The following EPHA3 variants were observed in gnomAD, a reference collection of about 807,000 sequenced individuals.
EPHA3 encodes EPH receptor A3, also known as ephrin type-A receptor 3.
In EPHA3, 42 loss-of-function variants were observed where a neutral mutation model predicts 107.1. The observed-to-expected ratio is 0.39, with a 90% CI of 0.31 to 0.51. EPHA3 has a LOEUF of 0.51. EPHA3 is among the 20% of genes least tolerant of loss of function. EPHA3 has a pLI of 0.78. For synonymous variants in EPHA3, 461 were observed against 424.8 expected (o/e 1.09, Z -1.05); for missense variants, 1,183 against 1,211.2 (o/e 0.98, Z 0.35).
At chr3:89,146,991 G>A (rs186163415) in intron 2 of EPHA3, among the ~76,000 whole-genome samples, 74 of 151,918 alleles carry the variant, frequency 4.9e-4, no homozygotes, top group Middle Eastern at 3.4e-3. Context: ...ATACACAATG[G>A]AATACCATGC....
At chr3:89,449,630 G>A (rs1709948239) in intron 14 of EPHA3, among the ~76,000 whole-genome samples, 1 of 152,094 alleles carries the variant, frequency 6.6e-6, no homozygotes, top group African/African-American at 2.4e-5. Flanking sequence ...AATGAAAAAA[G>A]TGACCAATAA....
chr3:89,264,060 C>T (rs941845570), intron 3 of EPHA3, among the ~76,000 whole-genome samples: 2 of 152,100 alleles, frequency 1.3e-5, no homozygotes, highest in African/African-American at 2.4e-5. Flanking sequence ...AACCCATTCA[C>T]GCATCAACTC....
chr3:89,384,510 T>C (rs1367511300), intron 5 of EPHA3, among the ~76,000 whole-genome samples: 1 of 152,222 alleles, frequency 6.6e-6, no homozygotes, highest in Non-Finnish European at 1.5e-5. Flanking sequence ...CTCTGAAATG[T>C]ATTTTTCTAA....
At chr3:89,347,209 A>G (rs1278894276) in intron 5 of EPHA3, among the ~76,000 whole-genome samples, 1 of 138,722 alleles carries the variant, frequency 7.2e-6, no homozygotes, top group Non-Finnish European at 1.6e-5. Context: ...TACCTTGGGC[A>G]GTATGGCCAT....
rs181594554 is a variant in EPHA3 at position 89,339,695 on chromosome 3, T to A, written c.815-1221T>A. 1.4e-4 allele frequency among the ~76,000 whole-genome samples: 21 copies of A among 152,304 alleles called. 1 individual carries two copies. The East Asian group carries it at 4.1e-3, about 29-fold the overall frequency. On this transcript the variant is annotated intron_variant, in intron 3 of 16. Transcript: ENST00000336596. ...TTAGTGATTATAAATATTGATTTGT[T>A]CACACAGGTTTTACTTTAATGCAAA... is the stretch of plus-strand genomic sequence containing the variant.
chr3:89,257,686 T>A (rs1476955735), intron 3 of EPHA3, among the ~76,000 whole-genome samples: 2 of 150,572 alleles, frequency 1.3e-5, no homozygotes, highest in East Asian at 3.9e-4. Context: ...AAATAACAAC[T>A]GGAATGACAG....
intron 2 of EPHA3, among the ~76,000 whole-genome samples, chr3:89,137,786 T>C (rs1704346726): frequency 6.6e-6 from 1 of 152,078 alleles, no homozygotes; most frequent in Admixed American, 6.6e-5. Context: ...TTTTCTGATA[T>C]ACTTAAAATC....
chr3:89,248,589 T>C (rs1347496100), intron 3 of EPHA3, among the ~76,000 whole-genome samples: 1 of 152,218 alleles, frequency 6.6e-6, no homozygotes, highest in Non-Finnish European at 1.5e-5. Flanking sequence ...ATAAACACTG[T>C]ATATAATGAA....
chr3:89,314,367 G>T (rs1315278254), intron 3 of EPHA3, among the ~76,000 whole-genome samples: 1 of 151,870 alleles, frequency 6.6e-6, no homozygotes, highest in Middle Eastern at 3.4e-3. Flanking sequence ...AAATTATGAG[G>T]ATCACATGGG....
At chr3:89,131,874 G>T (rs758360929) in intron 2 of EPHA3, among the ~76,000 whole-genome samples, 2 of 152,086 alleles carry the variant, frequency 1.3e-5, no homozygotes, top group African/African-American at 4.8e-5. Context: ...ATATCTGTTC[G>T]CTGGATTCTC....
intron 2 of EPHA3, among the ~76,000 whole-genome samples, chr3:89,133,158 C>G (rs1334823186): frequency 6.6e-6 from 1 of 152,188 alleles, no homozygotes; most frequent in African/African-American, 2.4e-5. Context: ...TCTCAGTCTA[C>G]ACTTGAGGTC....
intron 1 of EPHA3, among the ~76,000 whole-genome samples, chr3:89,115,018 C>A (rs892004046): frequency 2.0e-5 from 3 of 152,142 alleles, no homozygotes; most frequent in Non-Finnish European, 4.4e-5. Context: ...CTTTTCCATC[C>A]ATTTTCATGG....
rs776689230 is a variant in EPHA3, at chr3:89,210,037, T to C, written c.331T>C (p.Leu111=). Residue 111 remains leucine (L), a synonymous_variant, in exon 3 of 17, where the codon TTG becomes CTG. Coordinates refer to ENST00000336596, the MANE Select transcript of EPHA3 (RefSeq NM_005233.6). ...FTLRDCNSIP[L]VLGTCKETFN... ...TCTACGAGACTGCAATAGCATTCCA[T>C]TGGTTTTAGGAACTTGCAAGGAGAC... The C allele has an allele frequency of 6.2e-7, 1 of 1,614,018 alleles. No individual in the cohort carries two copies. The highest frequency in any genetic ancestry group is 8.5e-7 in the Non-Finnish European group (1 of 1,179,932).
chr3:89,177,997 G>A (rs1705356146), intron 2 of EPHA3, among the ~76,000 whole-genome samples: 1 of 151,990 alleles, frequency 6.6e-6, no homozygotes, highest in Admixed American at 6.6e-5. Flanking sequence ...ATCCTCCAAA[G>A]GAACCAAAGT....
intron 3 of EPHA3, among the ~76,000 whole-genome samples, chr3:89,327,789 G>A (rs537199735): frequency 2.0e-5 from 3 of 151,792 alleles, no homozygotes; most frequent in East Asian, 1.9e-4. Flanking sequence ...TACATGGTAC[G>A]GACACATAGT....
In EPHA3 at chr3:89,209,741, A is replaced by G. The variant is rs144578438; in HGVS notation, c.154-119A>G. Reference sequence around the variant, plus strand: ...ACCTTGCAAATAAAAACTACAAACAAGAATGTTTTTAATGAGTAAATGATG... The same window carrying G: ...ACCTTGCAAATAAAAACTACAAACAGGAATGTTTTTAATGAGTAAATGATG... On this transcript the variant is annotated intron_variant, in intron 2 of 16. Transcript: ENST00000336596. The G allele has an allele frequency of 4.1e-5, 35 of 856,934 alleles. No homozygotes were observed. The African/African-American group carries it at 5.5e-4, about 13-fold the overall frequency. The allele number at this position is 856,934 out of a possible 1,614,324, so 53.1% of individuals were successfully genotyped here.
chr3:89,312,396 T>C (rs1261235528), intron 3 of EPHA3, among the ~76,000 whole-genome samples: 1 of 151,728 alleles, frequency 6.6e-6, no homozygotes, highest in Non-Finnish European at 1.5e-5. Context: ...TATTAAGATT[T>C]TCTACATACA....
intron 2 of EPHA3, among the ~76,000 whole-genome samples, chr3:89,165,039 T>C (rs1705033143): frequency 6.6e-6 from 1 of 152,214 alleles, no homozygotes; most frequent in East Asian, 1.9e-4. Flanking sequence ...TTGCAGGTCC[T>C]TCTTAGAGTC....
At chr3:89,346,706 G>A (rs934499353) in intron 5 of EPHA3, among the ~76,000 whole-genome samples, 1 of 150,680 alleles carries the variant, frequency 6.6e-6, no homozygotes, top group African/African-American at 2.4e-5. Context: ...CCTATGTCCT[G>A]AATGGTATTG....
Sources: allele counts gnomAD v4.1 joint callset (sites outside exome capture counted in the v4.1 genomes callset), GRCh38; gene constraint gnomAD v4.1.1; transcripts MANE v1.5; gene names NCBI Gene and HGNC (gene_info 2026-07-23, HGNC 2026-07-21).